The following XPR1 variants were observed in gnomAD, a reference collection of about 807,000 sequenced individuals.
XPR1 encodes solute carrier family 53 member 1.
Under a neutral mutation model 87.5 loss-of-function variants are expected in XPR1, and 28 were observed. The observed-to-expected ratio is 0.32, with a 90% CI of 0.24 to 0.44. The LOEUF (loss-of-function observed/expected upper bound fraction) is 0.44. Among genes scored for constraint, XPR1 ranks in the 20% least tolerant of loss-of-function variants. The pLI is 1.00. For missense variants in XPR1, 559 were observed against 862.3 expected, an observed-to-expected ratio of 0.65 and a Z score of 4.41; for synonymous variants, 300 against 306.1, an observed-to-expected ratio of 0.98 and a Z score of 0.21.
chr1:180,857,465 G>T (rs1652074576), intron 11 of XPR1, among the ~76,000 whole-genome samples: 1 of 152,072 alleles, frequency 6.6e-6, no homozygotes, highest in African/African-American at 2.4e-5. Flanking sequence ...GCATGTGCAG[G>T]TACTCTTTAT....
chr1:180,833,599 T>C lies in XPR1; in HGVS notation c.1135-1275T>C, dbSNP rs1571879876. 2.0e-5 allele frequency among the ~76,000 whole-genome samples: 3 copies of C among 152,196 alleles called. No individual in the cohort carries two copies. In the East Asian group the frequency reaches 5.8e-4, roughly 29 times the overall value. ...GATCAAAAGAGACAAGGGCATTACA[T>C]AATGGTAAAGGGGTGAATTTATTTC... On this transcript the variant is annotated intron_variant, in intron 9 of 14. Coordinates refer to ENST00000367590, the MANE Select transcript of XPR1 (RefSeq NM_004736.4).
chr1:180,732,606 C>T (rs181059325), intron 2 of XPR1, among the ~76,000 whole-genome samples: 221 of 152,320 alleles, frequency 1.5e-3, no homozygotes, highest in Non-Finnish European at 1.3e-3. Context: ...TGCCCCACTG[C>T]TCAAACTTCT....
Position 180,864,367 on chromosome 1 carries a change from T to C in XPR1, c.1668+493T>C, listed in dbSNP as rs143494108. ...TAATCTTTTTTTACCCTATATAAAC[T>C]ACCATTATAGCAGTTATCACACTGT... is the stretch of plus-strand genomic sequence containing the variant. On this transcript the variant is annotated intron_variant, in intron 12 of 14. Transcript: ENST00000367590. 4.7e-4 allele frequency among the ~76,000 whole-genome samples: 71 copies of C among 152,272 alleles called. 1 individual carries two copies. The highest frequency in any genetic ancestry group is 1.6e-3 in the African/African-American group (68 of 41,570).
chr1:180,864,139 C>T (rs892311707), intron 12 of XPR1, among the ~76,000 whole-genome samples: 1 of 152,020 alleles, frequency 6.6e-6, no homozygotes, highest in Non-Finnish European at 1.5e-5. Flanking sequence ...AATTGCAATA[C>T]AATGCGATAA....
At chr1:180,806,024 G>T (rs369308287) in intron 4 of XPR1, 38 bp from the exon 5 acceptor site, 1 of 1,596,754 alleles carries the variant, frequency 6.3e-7, no homozygotes, top group Non-Finnish European at 8.6e-7. Context: ...TTTGATGGTA[G>T]TAGAAATTAT....
chr1:180,638,277 G>A (rs1350097106), intron 1 of XPR1, among the ~76,000 whole-genome samples: 1 of 151,998 alleles, frequency 6.6e-6, no homozygotes, highest in African/African-American at 2.4e-5. Flanking sequence ...ATACAGATGG[G>A]TATAATTAAT....
intron 9 of XPR1, among the ~76,000 whole-genome samples, chr1:180,833,825 T>A (rs1473411563): frequency 6.6e-6 from 1 of 152,240 alleles, no homozygotes; most frequent in Non-Finnish European, 1.5e-5. Flanking sequence ...TCATCTTTTT[T>A]AGATGAATTA....
At position 180,749,639 on chromosome 1, in the gene XPR1, TCACACACACA is replaced by T. The variant is rs139363505; in HGVS notation, c.122-38084_122-38075del. 2.3e-3 allele frequency among the ~76,000 whole-genome samples: 334 copies of T among 142,436 alleles called. 1 individual carries two copies. Among genetic ancestry groups the T allele is most frequent in the African/African-American group, 5.2e-3 (198 of 38,260 alleles). 93.4% of individuals were successfully genotyped at this position (142,436 alleles called of 152,430 possible). Reference sequence around the variant, plus strand: ...AAAATTTATAATAAACACATATACATCACACACACACACACACACACACACACACACACAC... The same window carrying T: ...AAAATTTATAATAAACACATATACATCACACACACACACACACACACACAC... On this transcript the variant is annotated intron_variant, in intron 2 of 14. Transcript: ENST00000367590.
intron 7 of XPR1, among the ~76,000 whole-genome samples, chr1:180,812,909 A>C (rs1009383783): frequency 6.6e-6 from 1 of 151,884 alleles, no homozygotes; most frequent in Non-Finnish European, 1.5e-5. Context: ...CAGCCTCCCA[A>C]AGTGCTGGGG....
chr1:180,652,450 A>G (rs1288475427), intron 1 of XPR1, among the ~76,000 whole-genome samples: 2 of 152,206 alleles, frequency 1.3e-5, no homozygotes, highest in Non-Finnish European at 2.9e-5. Flanking sequence ...TAGGATTGTT[A>G]GACAAAGAAG....
intron 1 of XPR1, among the ~76,000 whole-genome samples, chr1:180,657,144 G>A (rs1655560265): frequency 6.6e-6 from 1 of 152,078 alleles, no homozygotes; most frequent in Admixed American, 6.6e-5. Flanking sequence ...CTTCTTTTGA[G>A]AAATGTCTGT....
At chr1:180,795,398 C>T (rs1047186659) in intron 3 of XPR1, among the ~76,000 whole-genome samples, 1 of 151,998 alleles carries the variant, frequency 6.6e-6, no homozygotes, top group African/African-American at 2.4e-5. Flanking sequence ...GAGCTTATGG[C>T]GTTAACATAT....
At position 180,803,581 on chromosome 1, in the gene XPR1, C is replaced by T; in HGVS notation, c.417C>T (p.Tyr139=). 6.2e-7 allele frequency: 1 copy of T among 1,612,918 alleles called. No individual in the cohort carries two copies. Among genetic ancestry groups the T allele is most frequent in the South Asian group, 1.1e-5 (1 of 91,034 alleles). Residue 139 remains tyrosine (Y), a synonymous_variant, in exon 4 of 15, where the codon TAC becomes TAT. Transcript: ENST00000367590. ...KDLKLAFSEF[Y]LSLILLQNYQ... The stretch of plus-strand genomic sequence containing the variant: ...TTAAACTGGCCTTCAGTGAGTTCTA[C>T]CTCAGTCTAATCCTGCTGCAGAACT...
At chr1:180,766,973 T>G (rs1306411963) in intron 2 of XPR1, among the ~76,000 whole-genome samples, 2 of 152,196 alleles carry the variant, frequency 1.3e-5, no homozygotes, top group Non-Finnish European at 2.9e-5. Flanking sequence ...ACATAAAACT[T>G]CTGATGGTGA....
chr1:180,716,014 G>A (rs932450286), intron 2 of XPR1, among the ~76,000 whole-genome samples: 2 of 152,126 alleles, frequency 1.3e-5, no homozygotes, highest in Non-Finnish European at 2.9e-5. Context: ...TATGTATGTG[G>A]CTCTCAATTC....
intron 2 of XPR1, among the ~76,000 whole-genome samples, chr1:180,684,724 C>T (rs1656705345): frequency 6.6e-6 from 1 of 152,026 alleles, no homozygotes; most frequent in South Asian, 2.1e-4. Context: ...AGTTGGATTC[C>T]TAGGTATTTT....
intron 2 of XPR1, among the ~76,000 whole-genome samples, chr1:180,737,740 C>G (rs1244279345): frequency 6.6e-6 from 1 of 152,170 alleles, no homozygotes; most frequent in Admixed American, 6.5e-5. Context: ...TCTTTCCATA[C>G]AGCATAACCC....
intron 3 of XPR1, among the ~76,000 whole-genome samples, chr1:180,788,250 T>A (rs1394294740): frequency 6.6e-6 from 1 of 152,192 alleles, no homozygotes; most frequent in Non-Finnish European, 1.5e-5. Context: ...TACTTATTTC[T>A]CTAAAGCACT....
At chr1:180,821,695 A>G (rs575124981) in intron 7 of XPR1, among the ~76,000 whole-genome samples, 43 of 152,218 alleles carry the variant, frequency 2.8e-4, no homozygotes, top group African/African-American at 9.4e-4. Context: ...ATTCTTTTCT[A>G]CTTTAATTTC....
Sources: gnomAD v4.1 joint callset for allele counts (sites outside exome capture counted in the v4.1 genomes callset) on GRCh38, gnomAD v4.1.1 for gene constraint, MANE v1.5 for transcripts, NCBI Gene and HGNC (gene_info 2026-07-23, HGNC 2026-07-21) for gene names.